The following HTT variants were observed in gnomAD, a reference collection of about 807,000 sequenced individuals.
HTT encodes the protein huntingtin, also known as huntington disease protein.
In HTT, 104 loss-of-function variants were observed where a neutral mutation model predicts 362.3. The ratio of observed to expected loss-of-function variants is 0.29; its 90% CI spans 0.24 to 0.34. The LOEUF is 0.34. HTT is among the 10% of genes least tolerant of loss of function. HTT has a pLI of 1.00. For synonymous variants in HTT, 1,577 were observed against 1,548.7 expected (o/e 1.02, Z -0.43); for missense variants, 3,301 against 3,928.6 (o/e 0.84, Z 4.27).
At chr4:3,230,934 G>A (rs1228849191) in intron 60 of HTT, among the ~76,000 whole-genome samples, 1 of 152,192 alleles carries the variant, frequency 6.6e-6, no homozygotes, top group Non-Finnish European at 1.5e-5. Context: ...TCATCCTCTT[G>A]AGTTCCTCCT....
intron 29 of HTT, among the ~76,000 whole-genome samples, chr4:3,166,122 G>C (rs2110224317): frequency 6.6e-6 from 1 of 152,260 alleles, no homozygotes; most frequent in Middle Eastern, 3.4e-3. Context: ...TGTTGATGTT[G>C]ATGCTATTCC....
intron 51 of HTT, among the ~76,000 whole-genome samples, chr4:3,215,969 T>G (rs1720376350): frequency 6.6e-6 from 1 of 152,048 alleles, no homozygotes; most frequent in Non-Finnish European, 1.5e-5. Flanking sequence ...CCCACAGAGG[T>G]GGGGGTGCCT....
intron 1 of HTT, among the ~76,000 whole-genome samples, chr4:3,075,647 C>CGGGGGGGGGG (rs1560535774): frequency 3.2e-5 from 2 of 61,678 alleles, no homozygotes; most frequent in African/African-American, 9.1e-5. Flanking sequence ...AGTGGCGGGG[C>CGGGGGGGGGG]AGGGGGGGGG....
intron 1 of HTT, among the ~76,000 whole-genome samples, chr4:3,077,429 A>G (rs1237258251): frequency 1.3e-5 from 2 of 152,076 alleles, no homozygotes; most frequent in Non-Finnish European, 2.9e-5. Context: ...ATATATCTAT[A>G]TATTTTTTGA....
At chr4:3,178,267 G>A (rs765136505) in intron 34 of HTT, 31 bp from the exon 35 acceptor site, 1 of 1,515,474 alleles carries the variant, frequency 6.6e-7, no homozygotes, top group Non-Finnish European at 9.1e-7. Context: ...AATTTTAAAA[G>A]AAAGGTCTAA....
chr4:3,173,171 C>T (rs952934591), intron 31 of HTT, 40 bp downstream of exon 31: 35 of 1,494,032 alleles, frequency 2.3e-5, no homozygotes, highest in East Asian at 1.1e-4. Context: ...GGTGGAAGCA[C>T]GAAAGAGCAA....
intron 40 of HTT, among the ~76,000 whole-genome samples, chr4:3,198,829 T>G (rs1024703199): frequency 1.3e-5 from 2 of 152,222 alleles, no homozygotes; most frequent in Non-Finnish European, 2.9e-5. Context: ...GGCTGACCGC[T>G]TGGCCTGCCT....
At position 3,204,084 on chromosome 4, in the gene HTT, A is replaced by G. The variant is rs200824667; in HGVS notation, c.5654A>G (p.Lys1885Arg). ...GAGGAGGATTCTGACTTGGCAGCCA[A>G]ACTTGGAATGTGCAATAGAGAAATA... is the stretch of plus-strand genomic sequence containing the variant. The part of the protein sequence containing the change: ...GEEEDSDLAA[K>R]LGMCNREIVR... The change falls in exon 42 of 67, where the codon AAA becomes AGA. Residue 1885 changes from lysine to arginine, a missense_variant. By Grantham distance (26) the Lys-to-Arg change is conservative. Around this residue, in one of 4 missense-constraint regions of HTT, gnomAD observed 2,316 missense variants for 2,658.5 expected, o/e 0.87. Coordinates refer to ENST00000355072, the MANE Select transcript of HTT (RefSeq NM_001388492.1). The G allele has an allele frequency of 6.2e-7, 1 of 1,614,162 alleles. No individual in the cohort carries two copies. The highest frequency in any genetic ancestry group is 2.2e-5 in the East Asian group (1 of 44,888).
At chr4:3,232,758 C>G (rs180707366) in intron 60 of HTT, among the ~76,000 whole-genome samples, 7 of 152,256 alleles carry the variant, frequency 4.6e-5, no homozygotes, top group Non-Finnish European at 8.8e-5. Context: ...CTTAACTCCC[C>G]GCACAGTGAG....
Position 3,172,957 on chromosome 4 carries a change from T to C in HTT, c.3992T>C (p.Leu1331Ser), listed in dbSNP as rs1258187307. The C allele has an allele frequency of 1.2e-6, 2 of 1,614,238 alleles. No individual in the cohort carries two copies. The highest frequency in any genetic ancestry group is 3.3e-5 in the Admixed American group (2 of 60,028). Residue 1331 changes from leucine to serine, a missense_variant, in exon 31 of 67, where the codon TTA becomes TCA. By Grantham distance (145) the Leu-to-Ser change is moderately radical (BLOSUM62 -2). Around this residue, in one of 4 missense-constraint regions of HTT, gnomAD observed 2,316 missense variants for 2,658.5 expected, o/e 0.87. Coordinates refer to ENST00000355072, the MANE Select transcript of HTT (RefSeq NM_001388492.1). ...GTNLASQFDGLSSNPSKSQGR... is the reference protein window; with the variant it reads ...GTNLASQFDGSSSNPSKSQGR... ...AACTTGGCCTCCCAGTTTGATGGCT[T>C]ATCTTCCAACCCCAGCAAGTCACAA...
chr4:3,171,692 G>T (rs1301848921), intron 29 of HTT, among the ~76,000 whole-genome samples: 1 of 152,016 alleles, frequency 6.6e-6, no homozygotes, highest in Non-Finnish European at 1.5e-5. Flanking sequence ...GGTCAGGCTG[G>T]TCTTGAACTC....
At chr4:3,213,678 G>A (rs977189335) in intron 49 of HTT, among the ~76,000 whole-genome samples, 7 of 152,230 alleles carry the variant, frequency 4.6e-5, no homozygotes, top group Non-Finnish European at 7.3e-5. Context: ...TGGTGGCCAC[G>A]TAGCCCAGGA....
chr4:3,074,770 GC>G lies in HTT; in HGVS notation c.-55del. Reference sequence around the variant, plus strand: ...CCATTCATTGCCCCGGTGCTGAGCGGCGCCGCGAGTCGGCCCGAGGCCTCCG... The same window carrying G: ...CCATTCATTGCCCCGGTGCTGAGCGGGCCGCGAGTCGGCCCGAGGCCTCCG... On this transcript the variant is annotated 5_prime_UTR_variant, in exon 1 of 67. Transcript: ENST00000355072. 6.7e-7 allele frequency: 1 copy of G among 1,494,586 alleles called. No individual in the cohort carries two copies. The highest frequency in any genetic ancestry group is 2.1e-5 in the Admixed American group (1 of 47,922). 92.6% of individuals were successfully genotyped at this position (1,494,586 alleles called of 1,614,324 possible).
At chr4:3,217,665 A>G in intron 51 of HTT, 100 bp from the exon 52 acceptor site, 1 of 1,019,126 alleles carries the variant, frequency 9.8e-7, no homozygotes, top group Non-Finnish European at 1.5e-6. Context: ...AGTGGATTCC[A>G]CAGTTACAGC....
chr4:3,077,203 T>G (rs1712604082), intron 1 of HTT, among the ~76,000 whole-genome samples: 1 of 152,074 alleles, frequency 6.6e-6, no homozygotes, highest in South Asian at 2.1e-4. Context: ...TAATGTATTA[T>G]TTTTGCATAA....
At chr4:3,113,821 G>A (rs1714884896) in intron 6 of HTT, among the ~76,000 whole-genome samples, 1 of 151,640 alleles carries the variant, frequency 6.6e-6, no homozygotes, top group South Asian at 2.1e-4. Context: ...GGCAAGGAGA[G>A]AAGTCCTGTG....
At chr4:3,214,164 C>G in intron 50 of HTT, 29 bp downstream of exon 50, 1 of 1,427,282 alleles carries the variant, frequency 7.0e-7, no homozygotes, top group Non-Finnish European at 9.3e-7. Context: ...ACGGTGGGTT[C>G]CTATCATAGT....
At chr4:3,118,523 G>A (rs1715138939) in intron 8 of HTT, among the ~76,000 whole-genome samples, 1 of 152,200 alleles carries the variant, frequency 6.6e-6, no homozygotes, top group Non-Finnish European at 1.5e-5. Context: ...TAAGTCCCAG[G>A]AGTGAAAGGG....
intron 1 of HTT, among the ~76,000 whole-genome samples, chr4:3,086,181 ATAC>A (rs1477865219): frequency 6.6e-6 from 1 of 152,238 alleles, no homozygotes; most frequent in Non-Finnish European, 1.5e-5. Context: ...TAATCAAACT[ATAC>A]CACTGGTTGT....
Sources: gnomAD v4.1 joint callset for allele counts (sites outside exome capture counted in the v4.1 genomes callset) on GRCh38, gnomAD v4.1.1 for gene constraint, gnomAD v4.1.1 regional missense constraint, MANE v1.5 for transcripts, NCBI Gene and HGNC (gene_info 2026-07-23, HGNC 2026-07-21) for gene names.